CGNL1: variants seen among roughly 807,000 people sequenced by gnomAD.
CGNL1 encodes cingulin-like protein 1.
CGNL1 carries 132 observed loss-of-function variants against 141.2 expected under a neutral mutation model. The ratio of observed to expected loss-of-function variants is 0.93; its 90% CI spans 0.81 to 1.08. The LOEUF (loss-of-function observed/expected upper bound fraction) is 1.08. Ranked by LOEUF, CGNL1 falls within the 50% of genes least tolerant of loss-of-function variation. The pLI is 0.00. For missense variants in CGNL1, 1,870 were observed against 1,588.6 expected (o/e 1.18, Z -3.01); for synonymous variants, 690 against 622.1 (o/e 1.11, Z -1.63).
chr15:57,422,978 C>T (rs2062932665), intron 1 of CGNL1, among the ~76,000 whole-genome samples: 2 of 152,094 alleles, frequency 1.3e-5, no homozygotes, highest in South Asian at 4.2e-4. Flanking sequence ...AAGTTCCCCT[C>T]CACCTGGAGT....
At chr15:57,496,244 G>A (rs997830386) in intron 8 of CGNL1, among the ~76,000 whole-genome samples, 2 of 152,096 alleles carry the variant, frequency 1.3e-5, no homozygotes, top group African/African-American at 4.8e-5. Flanking sequence ...AGAAAATCAT[G>A]GTAATTTTTA....
chr15:57,452,232 C>T lies in CGNL1; in HGVS notation c.1997C>T (p.Ser666Phe). The change falls in exon 6 of 19, where the codon TCC becomes TTC. Residue 666 changes from serine to phenylalanine, a missense_variant. Ser to Phe is a radical substitution (Grantham distance 155). Transcript: ENST00000281282. ...CACAACGAAAAGGTGGAGGAGAACT[C>T]CACATTGCAGCAACGACTGGAAGAA... ...SQHNEKVEEN[S>F]TLQQRLEESE... is the part of the protein sequence containing the mutation. The T allele has an allele frequency of 6.2e-7, 1 of 1,613,988 alleles. No individual in the cohort carries two copies. Among genetic ancestry groups the T allele is most frequent in the Non-Finnish European group, 8.5e-7 (1 of 1,179,950 alleles).
chr15:57,503,813 G>T (rs2064061621), intron 8 of CGNL1, among the ~76,000 whole-genome samples: 1 of 152,172 alleles, frequency 6.6e-6, no homozygotes, highest in South Asian at 2.1e-4. Flanking sequence ...GATCTCGTGA[G>T]ACTTGTTCAC....
intron 7 of CGNL1, among the ~76,000 whole-genome samples, chr15:57,456,889 C>G (rs553955915): frequency 6.6e-6 from 1 of 152,324 alleles, no homozygotes; most frequent in African/African-American, 2.4e-5. Context: ...ACTTCAGTCT[C>G]ATTAAAATAG....
chr15:57,526,464 G>A (rs2031622998), intron 12 of CGNL1, among the ~76,000 whole-genome samples: 1 of 151,800 alleles, frequency 6.6e-6, no homozygotes, highest in African/African-American at 2.4e-5. Flanking sequence ...GATTGAGCTG[G>A]TTGAAGATCT....
chr15:57,498,112 C>T (rs1232203815), intron 8 of CGNL1, among the ~76,000 whole-genome samples: 2 of 152,114 alleles, frequency 1.3e-5, no homozygotes, highest in African/African-American at 4.8e-5. Flanking sequence ...CCCGTCTCAC[C>T]CAAATAGAGT....
In CGNL1 at chr15:57,523,496, T is replaced by C. The variant is rs774119970; in HGVS notation, c.2723T>C (p.Leu908Pro). The C allele has an allele frequency of 1.5e-5, 25 of 1,614,048 alleles. No homozygotes were observed. The highest frequency in any genetic ancestry group is 1.9e-5 in the Non-Finnish European group (23 of 1,180,028). Residue 908 changes from leucine (L) to proline (P), a missense_variant, in exon 11 of 19, where the codon CTG becomes CCG. Coordinates refer to ENST00000281282, the MANE Select transcript of CGNL1 (RefSeq NM_032866.5). ...ENELEAAQGN[L>P]SQTTQEQKQL... is the part of the protein sequence containing the mutation. ...TTTCCCTGCCATTTGCAGGGAAATCTGAGTCAGACTACCCAGGAGCAGAAG... is the reference window on the plus strand; with the variant it reads ...TTTCCCTGCCATTTGCAGGGAAATCCGAGTCAGACTACCCAGGAGCAGAAG...
Position 57,439,507 on chromosome 15 carries a change from C to G in CGNL1, c.1508C>G (p.Thr503Arg). Reference sequence around the variant, plus strand: ...GAGGAGGTGAAAACAGCCACCGCTACGCTGATGTTACAGAACCGGGCAACA... The same window carrying G: ...GAGGAGGTGAAAACAGCCACCGCTAGGCTGATGTTACAGAACCGGGCAACA... The part of the protein sequence containing the change: ...KEEEVKTATA[T>R]LMLQNRATAT... Residue 503 changes from threonine (T) to arginine (R), a missense_variant, in exon 2 of 19, where the codon ACG becomes AGG. By Grantham distance (71) the Thr-to-Arg change is moderately conservative (BLOSUM62 -1). Transcript: ENST00000281282. 6.2e-7 allele frequency: 1 copy of G among 1,614,200 alleles called. No individual in the cohort carries two copies. Among genetic ancestry groups the G allele is most frequent in the Non-Finnish European group, 8.5e-7 (1 of 1,180,026 alleles).
chr15:57,411,721 A>G (rs1469373716), intron 1 of CGNL1, among the ~76,000 whole-genome samples: 1 of 151,112 alleles, frequency 6.6e-6, no homozygotes, highest in East Asian at 1.9e-4. Context: ...CTGGGATTAC[A>G]GCATGAGCCA....
chr15:57,394,101 G>GGTTTTTTTTTTTTTTTTTT, intron 1 of CGNL1: 1 of 33,470 alleles, frequency 3.0e-5, no homozygotes, highest in African/African-American at 8.5e-5. Context: ...GGTAATTTCT[G>GGTTTTTTTTTTTTTTTTTT]TTTGTTTTTT....
chr15:57,519,431 T>A (rs1291246696), intron 10 of CGNL1, among the ~76,000 whole-genome samples: 1 of 152,138 alleles, frequency 6.6e-6, no homozygotes, highest in Non-Finnish European at 1.5e-5. Flanking sequence ...CAGCTTCATC[T>A]CCTAGAGTAT....
At position 57,439,383 on chromosome 15, in the gene CGNL1, C is replaced by G. The variant is rs750509965; in HGVS notation, c.1384C>G (p.Pro462Ala). ...GGCTTCATGTGCCCACTCCAGGCCT[C>G]CCCAGCCGAACATAGATGGGAAAGT... ...HGASCAHSRP[P>A]QPNIDGKVLE... is the part of the protein sequence containing the mutation. The change falls in exon 2 of 19, where the codon CCC (proline) becomes GCC (alanine). Residue 462 changes from proline (P) to alanine (A), a missense_variant. Transcript: ENST00000281282. 3 of 1,614,024 alleles carry G rather than the reference C, an allele frequency of 1.9e-6. No homozygotes were observed. The African/African-American group carries it at 4.0e-5, about 22-fold the overall frequency.
At chr15:57,414,353 TGA>T (rs2062825549) in intron 1 of CGNL1, among the ~76,000 whole-genome samples, 1 of 152,242 alleles carries the variant, frequency 6.6e-6, no homozygotes, top group African/African-American at 2.4e-5. Context: ...CTTCCAAATC[TGA>T]GAGTCGAGGA....
At chr15:57,516,158 CAAAAAAAAAAAAA>C (rs10559176) in intron 8 of CGNL1, among the ~76,000 whole-genome samples, 1 of 73,274 alleles carries the variant, frequency 1.4e-5, no homozygotes, top group African/African-American at 5.3e-5. Flanking sequence ...GACTCTGTCT[CAAAAAAAAAAAAA>C]AAAAAAAAAA....
At chr15:57,510,633 T>C (rs1405899251) in intron 8 of CGNL1, among the ~76,000 whole-genome samples, 1 of 152,194 alleles carries the variant, frequency 6.6e-6, no homozygotes, top group African/African-American at 2.4e-5. Context: ...TGCTATGGTG[T>C]TGAATGAAAA....
At chr15:57,391,954 A>C (rs1023414117) in intron 1 of CGNL1, among the ~76,000 whole-genome samples, 4 of 113,234 alleles carry the variant, frequency 3.5e-5, no homozygotes, top group Middle Eastern at 4.5e-3. Flanking sequence ...GCAAAAATAA[A>C]CACCTTCACA....
chr15:57,526,056 AGAATCCTTGGGTTG>A (rs1346069421), intron 12 of CGNL1, among the ~76,000 whole-genome samples: 1 of 152,194 alleles, frequency 6.6e-6, no homozygotes, highest in African/African-American at 2.4e-5. Context: ...TTTTTATGAT[AGAATCCTTGGGTTG>A]GAAAGAAACA....
intron 1 of CGNL1, among the ~76,000 whole-genome samples, chr15:57,401,545 A>G (rs181899050): frequency 1.2e-3 from 189 of 152,312 alleles, no homozygotes; most frequent in African/African-American, 4.4e-3. Context: ...GTTCAATTCA[A>G]AGGTGGATGG....
At chr15:57,432,136 G>A (rs188761119) in intron 1 of CGNL1, among the ~76,000 whole-genome samples, 1 of 152,196 alleles carries the variant, frequency 6.6e-6, no homozygotes, top group African/African-American at 2.4e-5. Context: ...GGCCAGCCTG[G>A]CTTGACTGAT....
Sources: gnomAD v4.1 joint callset for allele counts (sites outside exome capture counted in the v4.1 genomes callset) on GRCh38, gnomAD v4.1.1 for gene constraint, MANE v1.5 for transcripts, NCBI Gene and HGNC (gene_info 2026-07-23, HGNC 2026-07-21) for gene names.